ADCY2: variants seen among roughly 807,000 people sequenced by gnomAD.
The protein encoded by ADCY2 is adenylate cyclase type 2.
ADCY2 carries 31 observed loss-of-function variants against 125.2 expected under a neutral mutation model. The ratio of observed to expected loss-of-function variants is 0.25; its 90% CI spans 0.19 to 0.33. The LOEUF is 0.33. ADCY2 is among the 10% of genes least tolerant of loss of function. ADCY2 has a pLI of 1.00. For missense variants in ADCY2, 904 were observed against 1,418.2 expected (o/e 0.64, Z 5.82); for synonymous variants, 512 against 548.4 (o/e 0.93, Z 0.93).
At chr5:7,679,743 A>G (rs1740266878) in intron 4 of ADCY2, among the ~76,000 whole-genome samples, 1 of 152,178 alleles carries the variant, frequency 6.6e-6, no homozygotes, top group Non-Finnish European at 1.5e-5. Context: ...CAGCTTTTGG[A>G]GGGAAGGTGA....
chr5:7,426,299 A>G (rs1352761021), intron 2 of ADCY2, among the ~76,000 whole-genome samples: 1 of 152,250 alleles, frequency 6.6e-6, no homozygotes, highest in Non-Finnish European at 1.5e-5. Flanking sequence ...TTTTGCTGCT[A>G]TAACAAAATA....
chr5:7,728,466 A>G (rs1049143348), intron 14 of ADCY2, among the ~76,000 whole-genome samples: 1 of 152,236 alleles, frequency 6.6e-6, no homozygotes, highest in Non-Finnish European at 1.5e-5. Flanking sequence ...TGTAATACAT[A>G]GACCAAAGGA....
intron 1 of ADCY2, among the ~76,000 whole-genome samples, chr5:7,414,082 C>T (rs1739840981): frequency 6.6e-6 from 1 of 152,134 alleles, no homozygotes; most frequent in Admixed American, 6.5e-5. Flanking sequence ...ACCTATGATC[C>T]CATCAAAACA....
intron 2 of ADCY2, among the ~76,000 whole-genome samples, chr5:7,462,908 G>A (rs1741964808): frequency 6.6e-6 from 1 of 152,190 alleles, no homozygotes; most frequent in Non-Finnish European, 1.5e-5. Context: ...GGGAATGAAG[G>A]GGTTGAGCAG....
intron 3 of ADCY2, among the ~76,000 whole-genome samples, chr5:7,563,153 G>A (rs1735766582): frequency 6.6e-6 from 1 of 152,158 alleles, no homozygotes; most frequent in African/African-American, 2.4e-5. Flanking sequence ...AGAGTTAAAA[G>A]GAATTAGCAG....
chr5:7,576,602 C>T (rs913051511), intron 3 of ADCY2, among the ~76,000 whole-genome samples: 1 of 152,200 alleles, frequency 6.6e-6, no homozygotes, highest in African/African-American at 2.4e-5. Flanking sequence ...GTGTGCCAGA[C>T]ACTAGACAAG....
rs373881726 is a variant in ADCY2 at position 7,547,482 on chromosome 5, T to C, written c.570+26583T>C. Among the ~76,000 whole-genome samples the C allele has an allele frequency of 6.8e-4, 104 of 152,312 alleles. 3 individuals carry two copies. In the East Asian group the frequency reaches 0.019, roughly 28 times the overall value. On this transcript the variant is annotated intron_variant, in intron 3 of 24. Transcript: ENST00000338316. ...GTCTTTCTTACCTGAGGACACACGC[T>C]GGCAGATGGGCGTGTCCGGGGAGAC... is the stretch of plus-strand genomic sequence containing the variant.
intron 14 of ADCY2, among the ~76,000 whole-genome samples, chr5:7,731,253 ATT>A (rs34190695): frequency 2.7e-3 from 369 of 136,560 alleles, no homozygotes; most frequent in African/African-American, 7.3e-3. Context: ...TTCCTTGCAG[ATT>A]TTTTTTTTTT....
intron 3 of ADCY2, among the ~76,000 whole-genome samples, chr5:7,558,337 T>C (rs1735601537): frequency 6.6e-6 from 1 of 152,136 alleles, no homozygotes; most frequent in African/African-American, 2.4e-5. Flanking sequence ...ACAGGCACTT[T>C]GTGCCTGGCC....
intron 2 of ADCY2, among the ~76,000 whole-genome samples, chr5:7,488,155 G>A (rs563559474): frequency 5.9e-5 from 9 of 152,108 alleles, no homozygotes; most frequent in Non-Finnish European, 1.0e-4. Flanking sequence ...CTGACTCATG[G>A]GGGCAGTTTC....
intron 3 of ADCY2, among the ~76,000 whole-genome samples, chr5:7,574,655 G>A (rs934884751): frequency 6.6e-6 from 1 of 152,104 alleles, no homozygotes; most frequent in African/African-American, 2.4e-5. Flanking sequence ...CCATACAAGT[G>A]GATTCTCTCA....
intron 3 of ADCY2, among the ~76,000 whole-genome samples, chr5:7,621,618 T>G (rs1579243988): frequency 1.3e-5 from 2 of 152,132 alleles, no homozygotes; most frequent in Non-Finnish European, 2.9e-5. Context: ...ACAAGTCCAT[T>G]CTCCTGATTG....
chr5:7,405,704 A>T (rs1262204328), intron 1 of ADCY2, among the ~76,000 whole-genome samples: 1 of 152,226 alleles, frequency 6.6e-6, no homozygotes, highest in Non-Finnish European at 1.5e-5. Flanking sequence ...TCAGTGTAGG[A>T]GAGAATTACA....
At chr5:7,637,064 C>G (rs1396988878) in intron 4 of ADCY2, among the ~76,000 whole-genome samples, 1 of 152,118 alleles carries the variant, frequency 6.6e-6, no homozygotes, top group Non-Finnish European at 1.5e-5. Flanking sequence ...TTTAAATTGC[C>G]TGTTAATTAT....
chr5:7,588,150 A>G (rs1475167689), intron 3 of ADCY2, among the ~76,000 whole-genome samples: 1 of 151,832 alleles, frequency 6.6e-6, no homozygotes, highest in African/African-American at 2.4e-5. Context: ...TTTCAGTAAT[A>G]TGGTTATAAA....
intron 2 of ADCY2, among the ~76,000 whole-genome samples, chr5:7,475,826 T>A (rs902977422): frequency 6.6e-6 from 1 of 152,166 alleles, no homozygotes; most frequent in Non-Finnish European, 1.5e-5. Flanking sequence ...GGGACTGAGT[T>A]CGAGGGAGAA....
intron 14 of ADCY2, among the ~76,000 whole-genome samples, chr5:7,737,840 A>G (rs1239598682): frequency 6.6e-6 from 1 of 152,212 alleles, no homozygotes; most frequent in East Asian, 1.9e-4. Flanking sequence ...GACAGAATAA[A>G]TGGCTGCCTT....
intron 14 of ADCY2, among the ~76,000 whole-genome samples, chr5:7,734,022 C>T (rs952525679): frequency 4.6e-5 from 7 of 152,126 alleles, no homozygotes; most frequent in Non-Finnish European, 1.5e-5. Flanking sequence ...AATTCCCTTT[C>T]ATTTTGAAGT....
chr5:7,444,930 T>C (rs780680807), intron 2 of ADCY2, among the ~76,000 whole-genome samples: 71 of 152,326 alleles, frequency 4.7e-4, no homozygotes, highest in Non-Finnish European at 9.6e-4. Flanking sequence ...TTGTTTGTGG[T>C]CTTGCCCGTT....
Sources: gnomAD v4.1 joint callset for allele counts (sites outside exome capture counted in the v4.1 genomes callset) on GRCh38, gnomAD v4.1.1 for gene constraint, MANE v1.5 for transcripts, NCBI Gene and HGNC (gene_info 2026-07-23, HGNC 2026-07-21) for gene names.